The following CDH4 variants were observed in gnomAD, a reference collection of about 807,000 sequenced individuals.
CDH4 encodes cadherin 4, also known as cadherin-4.
Under a neutral mutation model 86.0 loss-of-function variants are expected in CDH4, and 33 were observed. The observed-to-expected ratio is 0.38, with a 90% CI of 0.29 to 0.51. CDH4 has a LOEUF of 0.51. Among genes scored for constraint, CDH4 ranks in the 20% least tolerant of loss-of-function variants. The probability of loss-of-function intolerance (pLI) is 0.86; values close to 1 mark genes in which losing one functional copy is unlikely to be tolerated. For synonymous variants in CDH4, 555 were observed against 549.4 expected (o/e 1.01, Z -0.14); for missense variants, 1,114 against 1,307.4 (o/e 0.85, Z 2.28).
At chr20:61,665,910 A>G (rs1600854741) in intron 2 of CDH4, among the ~76,000 whole-genome samples, 1 of 152,132 alleles carries the variant, frequency 6.6e-6, no homozygotes, top group Admixed American at 6.5e-5. Flanking sequence ...CAGCGGTGGG[A>G]CCGAGGGGCA....
intron 3 of CDH4, among the ~76,000 whole-genome samples, chr20:61,766,754 A>G (rs2088703580): frequency 6.6e-6 from 1 of 152,084 alleles, no homozygotes; most frequent in South Asian, 2.1e-4. Context: ...AGGCATCCAC[A>G]CTGTCCTGTG....
At chr20:61,323,842 C>A (rs1230884968) in intron 2 of CDH4, among the ~76,000 whole-genome samples, 1 of 152,158 alleles carries the variant, frequency 6.6e-6, no homozygotes. Flanking sequence ...AGGCTTGTTG[C>A]AATTAATGCC....
chr20:61,451,129 C>CCTT (rs11481264), intron 2 of CDH4, among the ~76,000 whole-genome samples: 2 of 149,646 alleles, frequency 1.3e-5, no homozygotes, highest in Non-Finnish European at 3.0e-5. Flanking sequence ...CACGCCCCCC[C>CCTT]CCTTCCCTCC....
intron 2 of CDH4, among the ~76,000 whole-genome samples, chr20:61,412,780 C>A (rs1197071052): frequency 6.6e-6 from 1 of 152,150 alleles, no homozygotes; most frequent in East Asian, 1.9e-4. Context: ...TTCCTTCGAA[C>A]CAGTCCAATG....
chr20:61,618,963 C>A lies in CDH4; in HGVS notation c.170-124600C>A, dbSNP rs1402531718. On this transcript the variant is annotated intron_variant, in intron 2 of 15. Coordinates refer to ENST00000614565, the MANE Select transcript of CDH4 (RefSeq NM_001794.5). ...GCCCGGGATGTGCCTCCCACAGATA[C>A]CTCAACAATAGGAGATCTGAAGTTG... is the stretch of plus-strand genomic sequence containing the variant. Among the ~76,000 whole-genome samples, 6 of 152,198 alleles carry A rather than the reference C, an allele frequency of 3.9e-5. No homozygotes were observed. The East Asian group carries it at 1.2e-3, about 29-fold the overall frequency.
At chr20:61,482,598 T>C (rs948230496) in intron 2 of CDH4, among the ~76,000 whole-genome samples, 1 of 152,170 alleles carries the variant, frequency 6.6e-6, no homozygotes, top group Non-Finnish European at 1.5e-5. Flanking sequence ...GCCCTTCCTC[T>C]CCTACCCCTG....
chr20:61,799,134 A>G (rs1001674995), intron 4 of CDH4, among the ~76,000 whole-genome samples: 4 of 152,252 alleles, frequency 2.6e-5, no homozygotes, highest in Non-Finnish European at 5.9e-5. Flanking sequence ...ACTTGTAATT[A>G]GCCCTTATAA....
rs916592078 is a variant in CDH4 at position 61,829,068 on chromosome 20, C to T, written c.577-15600C>T. 4.6e-5 allele frequency among the ~76,000 whole-genome samples: 7 copies of T among 152,192 alleles called. No individual in the cohort carries two copies. Among genetic ancestry groups the T allele is most frequent in the Admixed American group, 2.6e-4 (4 of 15,290 alleles). ...CACTGGAGGCTCTGGCAGTCATGCT[C>T]GCCCGGCCACCACTCACCTCCAGCT... On this transcript the variant is annotated intron_variant, in intron 4 of 15. Transcript: ENST00000614565. This position sits in a 1 kb window ranked among gnomAD's most constrained non-coding sequence, Gnocchi z 4.2.
intron 2 of CDH4, among the ~76,000 whole-genome samples, chr20:61,457,108 A>G (rs1217952500): frequency 1.3e-5 from 2 of 152,164 alleles, no homozygotes; most frequent in Non-Finnish European, 2.9e-5. Flanking sequence ...GAAAATGATA[A>G]GGACAAAGGA....
At chr20:61,665,570 T>C (rs1465100900) in intron 2 of CDH4, among the ~76,000 whole-genome samples, 2 of 152,154 alleles carry the variant, frequency 1.3e-5, no homozygotes, top group Non-Finnish European at 2.9e-5. Flanking sequence ...GGGTGATAAA[T>C]TCCCCCCATG....
chr20:61,603,618 C>T (rs760459014), intron 2 of CDH4, among the ~76,000 whole-genome samples: 11 of 152,182 alleles, frequency 7.2e-5, no homozygotes, highest in Admixed American at 3.3e-4. Context: ...TTGTCCCCTT[C>T]ACTCCATGCC....
chr20:61,735,165 C>T (rs1213072378), intron 2 of CDH4, among the ~76,000 whole-genome samples: 4 of 152,178 alleles, frequency 2.6e-5, no homozygotes, highest in Admixed American at 2.0e-4. Flanking sequence ...GGACCCACTC[C>T]AGGGAGATGT....
At chr20:61,680,034 G>A (rs1244534774) in intron 2 of CDH4, among the ~76,000 whole-genome samples, 1 of 152,180 alleles carries the variant, frequency 6.6e-6, no homozygotes, top group Non-Finnish European at 1.5e-5. Context: ...CCACAGCCTG[G>A]GGCACCCGGC....
chr20:61,412,431 T>A (rs1231485952), intron 2 of CDH4, among the ~76,000 whole-genome samples: 1 of 152,184 alleles, frequency 6.6e-6, no homozygotes, highest in African/African-American at 2.4e-5. Flanking sequence ...TGCCGGAGGT[T>A]ACATTTATCA....
chr20:61,900,884 C>T (rs1390462032), intron 8 of CDH4, among the ~76,000 whole-genome samples: 1 of 152,220 alleles, frequency 6.6e-6, no homozygotes, highest in Non-Finnish European at 1.5e-5. Context: ...TCCCGGATAT[C>T]AGTCCCTTGG....
chr20:61,788,188 A>G (rs1006416349), intron 4 of CDH4, among the ~76,000 whole-genome samples: 1 of 152,168 alleles, frequency 6.6e-6, no homozygotes, highest in African/African-American at 2.4e-5. Context: ...CAATCTTATC[A>G]CAGACTGGAC....
chr20:61,733,717 G>T (rs1268575405), intron 2 of CDH4, among the ~76,000 whole-genome samples: 1 of 151,864 alleles, frequency 6.6e-6, no homozygotes, highest in Admixed American at 6.6e-5. Context: ...ATGAAAGAAA[G>T]AAAGAAAAAG....
intron 2 of CDH4, among the ~76,000 whole-genome samples, chr20:61,265,651 G>T (rs935665540): frequency 6.6e-6 from 1 of 152,138 alleles, no homozygotes; most frequent in Non-Finnish European, 1.5e-5. Flanking sequence ...GACCTCAATG[G>T]TTCCTTCATT....
chr20:61,809,989 G>GT (rs1470350477), intron 4 of CDH4, among the ~76,000 whole-genome samples: 2 of 152,160 alleles, frequency 1.3e-5, no homozygotes, highest in Non-Finnish European at 2.9e-5. Flanking sequence ...GAAGACCATC[G>GT]TATCAGTTGG....
Sources: gnomAD v4.1 joint callset for allele counts (sites outside exome capture counted in the v4.1 genomes callset) on GRCh38, gnomAD v4.1.1 for gene constraint, Gnocchi (gnomAD v3.1) non-coding constraint, MANE v1.5 for transcripts, NCBI Gene and HGNC (gene_info 2026-07-23, HGNC 2026-07-21) for gene names.